FBRS: variants seen among roughly 807,000 people sequenced by gnomAD.
The protein encoded by FBRS is probable fibrosin-1.
In FBRS, 15 loss-of-function variants were observed where a neutral mutation model predicts 86.1. The observed-to-expected ratio is 0.17, with a 90% CI of 0.12 to 0.27. FBRS has a LOEUF of 0.27. Among genes scored for constraint, FBRS ranks in the 10% least tolerant of loss-of-function variants. The probability of loss-of-function intolerance (pLI) is 1.00; values close to 1 mark genes in which losing one functional copy is unlikely to be tolerated. For synonymous variants in FBRS, 666 were observed against 575.8 expected (o/e 1.16, Z -2.24); for missense variants, 1,367 against 1,301.6 (o/e 1.05, Z -0.77).
rs1234174461 is a variant in FBRS at position 30,659,671 on chromosome 16, G to A, written c.153G>A (p.Pro51=). 8 of 673,974 alleles carry A rather than the reference G, an allele frequency of 1.2e-5. No homozygotes were observed. Among genetic ancestry groups the A allele is most frequent in the Non-Finnish European group, 1.9e-5 (8 of 422,496 alleles). The allele number at this position is 673,974 out of a possible 1,614,324, so 41.7% of individuals were successfully genotyped here. ...CGCCCCGGGCCCTGTTGGCCGCCCC[G>A]CGCGGCTCCTCGTCCTCGTCGTCGC... ...GDAPRALLAA[P]RGSSSSSSPP... The change falls in exon 1 of 18, where the codon CCG becomes CCA. Residue 51 remains proline, a synonymous_variant. Coordinates refer to ENST00000356166, the MANE Select transcript of FBRS (RefSeq NM_001105079.3).
intron 12 of FBRS, among the ~76,000 whole-genome samples, 164 bp downstream of exon 12, chr16:30,666,705 G>C (rs566698054): frequency 5.3e-5 from 8 of 152,172 alleles, no homozygotes; most frequent in Admixed American, 5.2e-4. Flanking sequence ...ACCTGGGCTC[G>C]GATGGAACTG....
At position 30,662,638 on chromosome 16, in the gene FBRS, G is replaced by A. The variant is rs2052474619; in HGVS notation, c.834G>A (p.Arg278=). 1 of 1,546,552 alleles carries A rather than the reference G, an allele frequency of 6.5e-7. No individual in the cohort carries two copies. The highest frequency in any genetic ancestry group is 2.4e-5 in the East Asian group (1 of 40,828). ...TCCCTAAAGTGTCGGGCCTGGAGCGGAGCCAAGAACAGCCCCCGGGGCCCG... is the reference window on the plus strand; with the variant it reads ...TCCCTAAAGTGTCGGGCCTGGAGCGAAGCCAAGAACAGCCCCCGGGGCCCG... ...SVVPKVSGLE[R]SQEQPPGPDP... Residue 278 remains arginine, a synonymous_variant, in exon 6 of 18, where the codon CGG becomes CGA. Coordinates refer to ENST00000356166, the MANE Select transcript of FBRS (RefSeq NM_001105079.3).
At chr16:30,668,428 T>G in intron 15 of FBRS, 132 bp from the exon 16 acceptor site, 1 of 750,328 alleles carries the variant, frequency 1.3e-6, no homozygotes, top group East Asian at 2.5e-5. Context: ...CCCAAGGAAG[T>G]GCTCAGCACA....
In FBRS at chr16:30,658,693, T is replaced by TGCCCC. The variant is rs1041835845; in HGVS notation, c.-817_-813dup. ...CGGGGCTTTGGAGGGCTGGCCTCGC[T>TGCCCC]GCCCCGCCCCGCCTCGCGCCTTTCA... On this transcript the variant is annotated 5_prime_UTR_variant, in exon 1 of 18. An upstream open reading frame in the 5' UTR loses its in-frame stop. Transcript: ENST00000356166. The TGCCCC allele has an allele frequency of 3.9e-5, 6 of 152,258 alleles. No homozygotes were observed. Among genetic ancestry groups the TGCCCC allele is most frequent in the Non-Finnish European group, 8.8e-5 (6 of 68,078 alleles). The allele number at this position is 152,258 out of a possible 1,614,324, so 9.4% of individuals were successfully genotyped here.
rs1416768525 is a variant in FBRS at position 30,667,826 on chromosome 16, GC to G, written c.2074+206del. ...GAAGGGCAGGGTGACTTCAGTCTCT[GC>G]CAGCTGGAGCCCTGTCTCCCAGTAG... On this transcript the variant is annotated intron_variant, in intron 15 of 17. Coordinates refer to ENST00000356166, the MANE Select transcript of FBRS (RefSeq NM_001105079.3). The G allele has an allele frequency of 8.5e-5, 40 of 471,164 alleles. No homozygotes were observed. The South Asian group carries it at 1.7e-3, about 20-fold the overall frequency. 29.2% of individuals were successfully genotyped at this position (471,164 alleles called of 1,614,324 possible).
At chr16:30,664,957 G>A in intron 8 of FBRS, 37 bp downstream of exon 8, 2 of 1,609,102 alleles carry the variant, frequency 1.2e-6, no homozygotes, top group Non-Finnish European at 1.7e-6. Context: ...AGGCTCGGAG[G>A]CCTCTGGGGA....
In FBRS at chr16:30,660,309, A is replaced by G; in HGVS notation, c.506A>G (p.Lys169Arg). ...CCAGAGCGACTGGAACATCGGCTGA[A>G]GCATTCTGGGAAGCGGAAAAGGGGG... is the stretch of plus-strand genomic sequence containing the variant. ...QPPERLEHRL[K>R]HSGKRKRGGS... The change falls in exon 2 of 18, where the codon AAG becomes AGG. Residue 169 changes from lysine (K) to arginine (R), a missense_variant. Physicochemically the swap from Lys to Arg is conservative, Grantham distance 26 (BLOSUM62 2). This residue lies in a region of FBRS where 702 missense variants were observed against 598.7 expected (regional missense o/e 1.17). Coordinates refer to ENST00000356166, the MANE Select transcript of FBRS (RefSeq NM_001105079.3). The G allele has an allele frequency of 7.7e-7, 1 of 1,303,212 alleles. No individual in the cohort carries two copies. The highest frequency in any genetic ancestry group is 2.0e-4 in the Middle Eastern group (1 of 4,996). 80.7% of individuals were successfully genotyped at this position (1,303,212 alleles called of 1,614,324 possible). A position where few individuals can be genotyped will look rare whatever the true frequency, so the allele number is the denominator to read the frequency against.
Position 30,668,987 on chromosome 16 carries a change from T to TTGCCCC in FBRS, c.2366+8_2366+9insTGCCCC. 30 of 1,480,810 alleles carry TTGCCCC rather than the reference T, an allele frequency of 2.0e-5. No individual in the cohort carries two copies. The highest frequency in any genetic ancestry group is 7.2e-5 in the African/African-American group (5 of 69,714). The allele number at this position is 1,480,810 out of a possible 1,614,324, so 91.7% of individuals were successfully genotyped here. ...CAAGGAGGAGAAGGACAGGTGTGCC[T>TTGCCCC]CCCACCCACCCTGCCCCTGCCCCAC... On this transcript the variant is annotated intron_variant, in intron 17 of 17. Transcript: ENST00000356166.
intron 2 of FBRS, 27 bp downstream of exon 2, chr16:30,660,469 G>A: frequency 1.6e-6 from 2 of 1,256,480 alleles, no homozygotes; most frequent in Non-Finnish European, 2.0e-6. Context: ...AAACTCTTTA[G>A]GCAGAATGTA....
rs1405773860 is a variant in FBRS, at chr16:30,665,813, C to T, written c.1773+107C>T. On this transcript the variant is annotated intron_variant, in intron 11 of 17. Coordinates refer to ENST00000356166, the MANE Select transcript of FBRS (RefSeq NM_001105079.3). This position sits in a 1 kb window ranked among gnomAD's most constrained non-coding sequence, Gnocchi z 4.1. Reference sequence around the variant, plus strand: ...CTGATTCCTCCCTTGAATTCACAATCGGGTGTTCCTGGGTGTCTAATAGAG... The same window carrying T: ...CTGATTCCTCCCTTGAATTCACAATTGGGTGTTCCTGGGTGTCTAATAGAG... 7 of 1,137,182 alleles carry T rather than the reference C, an allele frequency of 6.2e-6. No homozygotes were observed. In the Admixed American group the frequency reaches 6.6e-5, roughly 11 times the overall value. The allele number at this position is 1,137,182 out of a possible 1,614,324, so 70.4% of individuals were successfully genotyped here. A position where few individuals can be genotyped will look rare whatever the true frequency, so the allele number is the denominator to read the frequency against.
Position 30,670,095 on chromosome 16 carries a change from T to A in FBRS, c.*450T>A, listed in dbSNP as rs2052578717. The A allele has an allele frequency of 2.1e-6, 1 of 468,574 alleles. No homozygotes were observed. The highest frequency in any genetic ancestry group is 4.3e-6 in the Non-Finnish European group (1 of 234,616). 29.0% of individuals were successfully genotyped at this position (468,574 alleles called of 1,614,324 possible). A position where few individuals can be genotyped will look rare whatever the true frequency, so the allele number is the denominator to read the frequency against. Reference sequence around the variant, plus strand: ...AAGGGGGGTTCCATGTACATATTTATCACCCCTTTCACATAGCCCCAAGAC... The same window carrying A: ...AAGGGGGGTTCCATGTACATATTTAACACCCCTTTCACATAGCCCCAAGAC... On this transcript the variant is annotated 3_prime_UTR_variant, in exon 18 of 18. Transcript: ENST00000356166.
At position 30,665,470 on chromosome 16, in the gene FBRS, A is replaced by G. The variant is rs1245141623; in HGVS notation, c.1704+69A>G. 3.3e-5 allele frequency: 49 copies of G among 1,475,474 alleles called. No individual in the cohort carries two copies. In the Admixed American group the frequency reaches 3.5e-4, roughly 11 times the overall value. The allele number at this position is 1,475,474 out of a possible 1,614,324, so 91.4% of individuals were successfully genotyped here. ...AAACCCAGACACGCCGGGTCCAAGC[A>G]CCCTTCTCCCATTCCCCAAAGTCGT... On this transcript the variant is annotated intron_variant, in intron 10 of 17. Transcript: ENST00000356166. This position sits in a 1 kb window ranked among gnomAD's most constrained non-coding sequence, Gnocchi z 4.1.
chr16:30,666,254 C>T (rs2052521188), intron 11 of FBRS: 2 of 588,420 alleles, frequency 3.4e-6, no homozygotes. Context: ...TCTGAGAAAC[C>T]TGTCCTGCCT....
In FBRS at chr16:30,668,821, C is replaced by T. The variant is rs1311323587; in HGVS notation, c.2208C>T (p.Ala736=). The T allele has an allele frequency of 6.3e-7, 1 of 1,597,910 alleles. No homozygotes were observed. The change falls in exon 17 of 18, where the codon GCC becomes GCT. Residue 736 remains alanine, a synonymous_variant. Coordinates refer to ENST00000356166, the MANE Select transcript of FBRS (RefSeq NM_001105079.3). ...AQKESPGAPP[A]FASPPDPWGR... Reference sequence around the variant, plus strand: ...AAGAAAGCCCAGGGGCCCCACCAGCCTTCGCCTCCCCACCGGACCCATGGG... The same window carrying T: ...AAGAAAGCCCAGGGGCCCCACCAGCTTTCGCCTCCCCACCGGACCCATGGG...
Position 30,667,550 on chromosome 16 carries a change from C to T in FBRS, c.2002C>T (p.His668Tyr), listed in dbSNP as rs1425280193. The part of the protein sequence containing the change: ...ASLFTATGAV[H>Y]AAANPFTAAP... ...CCACCTCTCTGCCCCAGGTGCCGTC[C>T]ACGCTGCAGCCAACCCTTTCACGGC... is the stretch of plus-strand genomic sequence containing the variant. Residue 668 changes from histidine (H) to tyrosine (Y), a missense_variant, in exon 15 of 18, where the codon CAC (histidine) becomes TAC (tyrosine). His to Tyr is a moderately conservative substitution (Grantham distance 83). Coordinates refer to ENST00000356166, the MANE Select transcript of FBRS (RefSeq NM_001105079.3). The T allele has an allele frequency of 1.9e-6, 3 of 1,539,042 alleles. No homozygotes were observed.
chr16:30,661,756 G>C (rs890425342), intron 4 of FBRS, among the ~76,000 whole-genome samples: 2 of 151,858 alleles, frequency 1.3e-5, no homozygotes, highest in East Asian at 3.9e-4. Flanking sequence ...AGCCCATAAA[G>C]GTGTATTTGA....
chr16:30,664,095 G>T, intron 6 of FBRS, 120 bp from the exon 7 acceptor site: 1 of 1,187,008 alleles, frequency 8.4e-7, no homozygotes, highest in South Asian at 3.4e-5. Flanking sequence ...TCCTGGGGCT[G>T]GGTTCTGCCA....
intron 13 of FBRS, 57 bp downstream of exon 13, chr16:30,667,047 T>C: frequency 6.6e-7 from 1 of 1,518,650 alleles, no homozygotes; most frequent in African/African-American, 1.4e-5. Context: ...AGGACTGAGC[T>C]CTGGGCATTG....
Position 30,662,584 on chromosome 16 carries a change from T to C in FBRS, c.780T>C (p.Asn260=). ...CCTCGGGCCCCCACGGCGCCTTCAATGGGAACTGTGAAGCAAAACTCTCCG... is the reference window on the plus strand; with the variant it reads ...CCTCGGGCCCCCACGGCGCCTTCAACGGGAACTGTGAAGCAAAACTCTCCG... The part of the protein sequence containing the change: ...SKASGPHGAF[N]GNCEAKLSVV... Residue 260 remains asparagine, a synonymous_variant, in exon 6 of 18, where the codon AAT becomes AAC. Transcript: ENST00000356166. 6.5e-7 allele frequency: 1 copy of C among 1,542,178 alleles called. No homozygotes were observed. The highest frequency in any genetic ancestry group is 8.8e-7 in the Non-Finnish European group (1 of 1,141,128).
Sources: allele counts gnomAD v4.1 joint callset (sites outside exome capture counted in the v4.1 genomes callset), GRCh38; gene constraint gnomAD v4.1.1; regional missense constraint gnomAD v4.1.1; non-coding constraint Gnocchi (gnomAD v3.1); transcripts MANE v1.5; gene names NCBI Gene and HGNC (gene_info 2026-07-23, HGNC 2026-07-21).